BMERB1: variants seen among roughly 807,000 people sequenced by gnomAD.
BMERB1 encodes the protein bMERB domain containing 1, also known as bMERB domain-containing protein 1.
BMERB1 carries 12 observed loss-of-function variants against 23.6 expected under a neutral mutation model. The ratio of observed to expected loss-of-function variants is 0.51; its 90% confidence interval spans 0.33 to 0.82. BMERB1 has a LOEUF of 0.82. Ranked by LOEUF, BMERB1 falls within the 40% of genes least tolerant of loss-of-function variation. The pLI is 0.03. For synonymous variants in BMERB1, 122 were observed against 96.6 expected, an observed-to-expected ratio of 1.26 and a Z score of -1.54; for missense variants, 247 against 255.4, an observed-to-expected ratio of 0.97 and a Z score of 0.22.
At chr16:15,510,977 C>T (rs777445579) in intron 1 of BMERB1, among the ~76,000 whole-genome samples, 2 of 152,134 alleles carry the variant, frequency 1.3e-5, no homozygotes, top group Non-Finnish European at 2.9e-5. Flanking sequence ...GCTGGGATTA[C>T]AGGCGTGAGC....
chr16:15,539,853 A>G (rs1331117285), intron 2 of BMERB1, among the ~76,000 whole-genome samples: 1 of 151,940 alleles, frequency 6.6e-6, no homozygotes, highest in Non-Finnish European at 1.5e-5. Flanking sequence ...AAAAAAAAAA[A>G]AGAAAAAGAA....
At chr16:15,489,118 A>G (rs1278368704) in intron 1 of BMERB1, among the ~76,000 whole-genome samples, 1 of 152,032 alleles carries the variant, frequency 6.6e-6, no homozygotes, top group African/African-American at 2.4e-5. Flanking sequence ...TCCTATATCT[A>G]TCTGAATCTG....
chr16:15,570,400 A>ATTTGGGGTTGACAAATGTCAGTATCTTCC (rs2030694245), intron 3 of BMERB1, among the ~76,000 whole-genome samples: 1 of 152,112 alleles, frequency 6.6e-6, no homozygotes, highest in Non-Finnish European at 1.5e-5. Context: ...AACTATTGAC[A>ATTTGGGGTTGACAAATGTCAGTATCTTCC]TTTGGGGTTG....
At chr16:15,461,372 TTTGCGTTGG>T (rs1259806837) in intron 1 of BMERB1, among the ~76,000 whole-genome samples, 2 of 152,098 alleles carry the variant, frequency 1.3e-5, no homozygotes, top group East Asian at 3.9e-4. Flanking sequence ...TAAAACATAC[TTTGCGTTGG>T]TTCCCATCTT....
At chr16:15,489,183 C>T (rs1445977788) in intron 1 of BMERB1, among the ~76,000 whole-genome samples, 1 of 152,142 alleles carries the variant, frequency 6.6e-6, no homozygotes, top group African/African-American at 2.4e-5. Context: ...GGGTAAGCCC[C>T]ATTAAATTTG....
At chr16:15,549,862 C>G (rs2030033716) in intron 2 of BMERB1, among the ~76,000 whole-genome samples, 1 of 152,058 alleles carries the variant, frequency 6.6e-6, no homozygotes, top group South Asian at 2.1e-4. Context: ...CTTACACTTT[C>G]CACAAAATTG....
At chr16:15,451,284 G>A (rs961734102) in intron 1 of BMERB1, among the ~76,000 whole-genome samples, 3 of 152,034 alleles carry the variant, frequency 2.0e-5, no homozygotes, top group Non-Finnish European at 2.9e-5. Flanking sequence ...CCTACCTTCC[G>A]TGTTCAAACG....
intron 1 of BMERB1, among the ~76,000 whole-genome samples, chr16:15,495,829 GTTCT>G (rs1174550300): frequency 6.6e-6 from 1 of 152,214 alleles, no homozygotes; most frequent in African/African-American, 2.4e-5. Flanking sequence ...AGCCAAGGGA[GTTCT>G]GGGAGGGAGG....
intron 1 of BMERB1, among the ~76,000 whole-genome samples, chr16:15,489,332 C>G (rs1356776686): frequency 1.3e-5 from 2 of 152,142 alleles, no homozygotes; most frequent in Non-Finnish European, 2.9e-5. Flanking sequence ...CATTTAGAAT[C>G]TAAATGCTCT....
intron 3 of BMERB1, among the ~76,000 whole-genome samples, chr16:15,574,840 G>A (rs1308291328): frequency 6.6e-6 from 1 of 152,200 alleles, no homozygotes; most frequent in African/African-American, 2.4e-5. Flanking sequence ...CACCCTGGGA[G>A]GCCGAAGTGG....
intron 3 of BMERB1, among the ~76,000 whole-genome samples, chr16:15,573,132 T>TC (rs1185088039): frequency 6.6e-6 from 1 of 152,146 alleles, no homozygotes; most frequent in African/African-American, 2.4e-5. Flanking sequence ...ACCAGCTGTC[T>TC]CCCCAGAGTT....
chr16:15,472,256 C>T (rs2051235003), intron 1 of BMERB1, among the ~76,000 whole-genome samples: 1 of 152,184 alleles, frequency 6.6e-6, no homozygotes, highest in Non-Finnish European at 1.5e-5. Context: ...GTGTTCCCAA[C>T]TTAAATATCA....
At chr16:15,560,579 T>C (rs1297191917) in intron 2 of BMERB1, among the ~76,000 whole-genome samples, 1 of 151,888 alleles carries the variant, frequency 6.6e-6, no homozygotes, top group Non-Finnish European at 1.5e-5. Flanking sequence ...ATTGCTTGAG[T>C]CCAGGAGTTT....
intron 1 of BMERB1, among the ~76,000 whole-genome samples, chr16:15,510,316 G>C (rs774057036): frequency 4.1e-4 from 62 of 152,110 alleles, no homozygotes; most frequent in Non-Finnish European, 1.3e-4. Context: ...GGGTCAAAAA[G>C]CATGAATTTG....
rs1167073192 is a variant in BMERB1 at position 15,586,961 on chromosome 16, G to A, written c.*132G>A. Reference sequence around the variant, plus strand: ...AGGCAAGCCCGTGACTGTCACCAGAGGCCATGGGCACGGCAGGCGGGCCTG... The same window carrying A: ...AGGCAAGCCCGTGACTGTCACCAGAAGCCATGGGCACGGCAGGCGGGCCTG... On this transcript the variant is annotated 3_prime_UTR_variant, in exon 6 of 6. Transcript: ENST00000300006. 2 of 656,706 alleles carry A rather than the reference G, an allele frequency of 3.0e-6. No individual in the cohort carries two copies. The highest frequency in any genetic ancestry group is 1.8e-5 in the African/African-American group (1 of 54,690). 40.7% of individuals were successfully genotyped at this position (656,706 alleles called of 1,614,324 possible).
In BMERB1 at chr16:15,553,993, A is replaced by G. The variant is rs115740807; in HGVS notation, c.231-13990A>G. ...TACAACGCAGACACATATGTCCCTG[A>G]TATGTCCTAATTGGGCAGACTCTTC... is the stretch of plus-strand genomic sequence containing the variant. On this transcript the variant is annotated intron_variant, in intron 2 of 5. Coordinates refer to ENST00000300006, the MANE Select transcript of BMERB1 (RefSeq NM_033201.3). Among the ~76,000 whole-genome samples the G allele has an allele frequency of 3.4e-3, 515 of 152,216 alleles. 3 individuals carry two copies. The highest frequency in any genetic ancestry group is 0.012 in the African/African-American group (499 of 41,526).
At chr16:15,584,043 C>T (rs1277914493) in intron 5 of BMERB1, 2 of 702,334 alleles carry the variant, frequency 2.8e-6, no homozygotes, top group South Asian at 1.5e-5. Flanking sequence ...GCATATGTCT[C>T]AGAATATTAA....
chr16:15,446,044 T>A (rs6498552), intron 1 of BMERB1, among the ~76,000 whole-genome samples: 2 of 151,576 alleles, frequency 1.3e-5, no homozygotes, highest in Non-Finnish European at 2.9e-5. Flanking sequence ...TTTTAAAAAC[T>A]TAAACTATTG....
intron 1 of BMERB1, among the ~76,000 whole-genome samples, chr16:15,453,281 A>G (rs2051057450): frequency 6.6e-6 from 1 of 152,226 alleles, no homozygotes; most frequent in African/African-American, 2.4e-5. Context: ...AAAGTTATAA[A>G]AGAGGGCAAA....
Sources: gnomAD v4.1 joint callset for allele counts (sites outside exome capture counted in the v4.1 genomes callset) on GRCh38, gnomAD v4.1.1 for gene constraint, MANE v1.5 for transcripts, NCBI Gene and HGNC (gene_info 2026-07-23, HGNC 2026-07-21) for gene names.